TMEM50B: variants seen among roughly 807,000 people sequenced by gnomAD.
The protein encoded by TMEM50B is transmembrane protein 50B, also known as HCV p7-trans-regulated protein 3.
TMEM50B carries 14 observed loss-of-function variants against 23.4 expected under a neutral mutation model. The observed-to-expected ratio is 0.60, with a 90% confidence interval of 0.39 to 0.93. TMEM50B has a LOEUF of 0.93. TMEM50B is among the 40% of genes least tolerant of loss of function. The pLI is 0.00. For missense variants in TMEM50B, 159 were observed against 193.0 expected (o/e 0.82, Z 1.04); for synonymous variants, 64 against 62.3 (o/e 1.03, Z -0.13).
intron 4 of TMEM50B, among the ~76,000 whole-genome samples, chr21:33,463,058 A>G (rs549143302): frequency 5.7e-4 from 87 of 152,026 alleles, no homozygotes; most frequent in Admixed American, 1.8e-3. Context: ...TTGGGAGGCC[A>G]AGGCGGGTGC....
At chr21:33,471,523 G>C (rs774911247) in intron 1 of TMEM50B, among the ~76,000 whole-genome samples, 22 of 152,078 alleles carry the variant, frequency 1.4e-4, no homozygotes, top group Non-Finnish European at 2.8e-4. Context: ...GGAAAACATG[G>C]TCAAAATAAC....
At chr21:33,470,513 C>T (rs545359881) in intron 1 of TMEM50B, among the ~76,000 whole-genome samples, 7 of 149,746 alleles carry the variant, frequency 4.7e-5, no homozygotes, top group African/African-American at 7.4e-5. Flanking sequence ...AGGCGGATCA[C>T]GAAGTCAGGA....
chr21:33,472,179 C>G (rs1284866463), intron 1 of TMEM50B, among the ~76,000 whole-genome samples: 1 of 151,460 alleles, frequency 6.6e-6, no homozygotes, highest in African/African-American at 2.4e-5. Flanking sequence ...GTCAAGAGAT[C>G]GAGACCATCC....
Position 33,437,013 on chromosome 21 carries a change from G to A in TMEM50B, c.*2120+2201C>T, listed in dbSNP as rs1200947428. 5.0e-6 allele frequency: 8 copies of A among 1,601,334 alleles called. No individual in the cohort carries two copies. The South Asian group carries it at 5.5e-5, about 11-fold the overall frequency. On this transcript the variant is annotated intron_variant and NMD_transcript_variant, in intron 8 of 8. Coordinates refer to the TMEM50B transcript ENST00000420455. ...GCTCCCTGGAAGAGATCAAGCCATC[G>A]GAGCTGCTAGAGTTCTGTCTGGACT...
chr21:33,435,942 A>C (rs1335351297), intron 8 of TMEM50B, among the ~76,000 whole-genome samples: 1 of 148,488 alleles, frequency 6.7e-6, no homozygotes, highest in Non-Finnish European at 1.5e-5. Flanking sequence ...CTGCAATCCT[A>C]GCTACTTGGT....
intron 1 of TMEM50B, among the ~76,000 whole-genome samples, chr21:33,471,927 C>G (rs892537884): frequency 9.2e-5 from 11 of 119,480 alleles, no homozygotes; most frequent in African/African-American, 2.9e-4. Flanking sequence ...CCCAGCTACT[C>G]AGGAGGCTGA....
chr21:33,448,481 A>G (rs1304682962), downstream of TMEM50B, among the ~76,000 whole-genome samples: 1 of 151,622 alleles, frequency 6.6e-6, no homozygotes, highest in Admixed American at 6.6e-5. Context: ...TCTACAAAAA[A>G]CAACTTTTTT....
intron 8 of TMEM50B, among the ~76,000 whole-genome samples, chr21:33,438,685 C>A (rs2083980351): frequency 6.6e-6 from 1 of 151,384 alleles, no homozygotes; most frequent in South Asian, 2.1e-4. Context: ...ATAATCCCAG[C>A]TACATGGGAG....
chr21:33,456,105 G>A (rs1301118448), intron 5 of TMEM50B: 4 of 573,616 alleles, frequency 7.0e-6, no homozygotes. Context: ...ACACTGAAAT[G>A]CAAAATCGTA....
chr21:33,437,022 A>G, intron 8 of TMEM50B: 3 of 1,588,386 alleles, frequency 1.9e-6, no homozygotes, highest in Non-Finnish European at 1.7e-6. Flanking sequence ...CGGAGCTGCT[A>G]GAGTTCTGTC....
chr21:33,436,184 C>T (rs1246103571), intron 8 of TMEM50B, among the ~76,000 whole-genome samples: 4 of 150,888 alleles, frequency 2.7e-5, no homozygotes, highest in East Asian at 3.9e-4. Flanking sequence ...TGGGAAACCC[C>T]GTCTCTACTT....
chr21:33,457,735 T>C (rs1319938229), intron 5 of TMEM50B, among the ~76,000 whole-genome samples: 1 of 151,958 alleles, frequency 6.6e-6, no homozygotes, highest in Non-Finnish European at 1.5e-5. Context: ...AATGGCAATT[T>C]ATCCCTATTT....
chr21:33,450,973 TA>T, intron 6 of TMEM50B, 110 bp from the exon 7 acceptor site: 1 of 881,494 alleles, frequency 1.1e-6, no homozygotes, highest in South Asian at 1.8e-5. Context: ...CTATCAATTT[TA>T]AAAATTAAAT....
At position 33,449,735 on chromosome 21, in the gene TMEM50B, T is replaced by A. The variant is rs1294866068; in HGVS notation, c.*1083A>T. 6.6e-6 allele frequency: 1 copy of A among 152,618 alleles called. No individual in the cohort carries two copies. The highest frequency in any genetic ancestry group is 1.9e-4 in the East Asian group (1 of 5,206). 9.5% of individuals were successfully genotyped at this position (152,618 alleles called of 1,614,324 possible). A position where few individuals can be genotyped will look rare whatever the true frequency, so the allele number is the denominator to read the frequency against. ...GCTTTATCTTTAATTATTCCACTTT[T>A]TGTTAAATGGTTCATGCTTTTAAAC... On this transcript the variant is annotated 3_prime_UTR_variant, in exon 7 of 7. Coordinates refer to ENST00000542230, the MANE Select transcript of TMEM50B (RefSeq NM_006134.7).
intron 6 of TMEM50B, among the ~76,000 whole-genome samples, chr21:33,454,534 C>G (rs1177951076): frequency 6.6e-6 from 1 of 152,134 alleles, no homozygotes; most frequent in Non-Finnish European, 1.5e-5. Context: ...CCCCTGACCT[C>G]AGATGATCCA....
downstream of TMEM50B, among the ~76,000 whole-genome samples, chr21:33,446,224 ATT>A (rs1225587398): frequency 3.3e-4 from 47 of 141,590 alleles, no homozygotes; most frequent in African/African-American, 1.1e-3. Context: ...TTTTTCTTTT[ATT>A]TTTTTTATTT....
intron 1 of TMEM50B, among the ~76,000 whole-genome samples, chr21:33,473,050 A>G (rs1265529807): frequency 6.6e-6 from 1 of 152,150 alleles, no homozygotes; most frequent in Non-Finnish European, 1.5e-5. Flanking sequence ...GGGGAAAAAA[A>G]TCAATACAAC....
chr21:33,437,052 T>TA, intron 8 of TMEM50B: 1 of 1,405,398 alleles, frequency 7.1e-7, no homozygotes, highest in East Asian at 2.3e-5. Flanking sequence ...CAGAGACCAG[T>TA]ATTCCCTTTT....
intron 6 of TMEM50B, 112 bp from the exon 7 acceptor site, chr21:33,450,975 AAAATT>A (rs2084114803): frequency 3.5e-6 from 3 of 866,354 alleles, no homozygotes; most frequent in Middle Eastern, 2.5e-4. Context: ...ATCAATTTTA[AAAATT>A]AAATTAGACA....
Sources: gnomAD v4.1 joint callset for allele counts (sites outside exome capture counted in the v4.1 genomes callset) on GRCh38, gnomAD v4.1.1 for gene constraint, MANE v1.5 for transcripts, NCBI Gene and HGNC (gene_info 2026-07-23, HGNC 2026-07-21) for gene names.